TCF7: variants seen among roughly 807,000 people sequenced by gnomAD.
The protein encoded by TCF7 is transcription factor 7, also known as T-cell-factor-7.
TCF7 carries 19 observed loss-of-function variants against 46.8 expected under a neutral mutation model. The observed-to-expected ratio is 0.41, with a 90% CI of 0.28 to 0.60. TCF7 has a LOEUF of 0.60. Among genes scored for constraint, TCF7 ranks in the 20% least tolerant of loss-of-function variants. TCF7 has a pLI of 0.35. For synonymous variants in TCF7, 245 were observed against 213.4 expected, an observed-to-expected ratio of 1.15 and a Z score of -1.29; for missense variants, 547 against 504.6, an observed-to-expected ratio of 1.08 and a Z score of -0.81.
At chr5:134,119,093 G>T (rs974213699) in intron 3 of TCF7, among the ~76,000 whole-genome samples, 4 of 152,312 alleles carry the variant, frequency 2.6e-5, no homozygotes, top group African/African-American at 9.6e-5. Flanking sequence ...ACTTTGGGGG[G>T]ATTCTGGGAT....
chr5:134,117,931 G>T (rs764935933), intron 3 of TCF7, among the ~76,000 whole-genome samples: 1 of 152,232 alleles, frequency 6.6e-6, no homozygotes, highest in Non-Finnish European at 1.5e-5. Flanking sequence ...CAGCTGCTCT[G>T]TGGGGCTGCA....
chr5:134,126,146 C>T (rs1255919858), intron 3 of TCF7, among the ~76,000 whole-genome samples: 1 of 152,246 alleles, frequency 6.6e-6, no homozygotes, highest in Non-Finnish European at 1.5e-5. Flanking sequence ...CTCTGAGATG[C>T]TGAGAGGCAG....
In TCF7 at chr5:134,114,989, A is replaced by G; in HGVS notation, c.83A>G (p.Asp28Gly). 1.6e-6 allele frequency: 2 copies of G among 1,230,094 alleles called. No homozygotes were observed. The highest frequency in any genetic ancestry group is 2.8e-5 in the Admixed American group (1 of 35,290). The allele number at this position is 1,230,094 out of a possible 1,614,324, so 76.2% of individuals were successfully genotyped here. A position where few individuals can be genotyped will look rare whatever the true frequency, so the allele number is the denominator to read the frequency against. Reference sequence around the variant, plus strand: ...CCGGACGAGCTGCTGGCCTTCCAGGATGAAGGCGAGGAGCAGGACGACAAG... The same window carrying G: ...CCGGACGAGCTGCTGGCCTTCCAGGGTGAAGGCGAGGAGCAGGACGACAAG... ...GAPDELLAFQ[D>G]EGEEQDDKSR... is the part of the protein sequence containing the mutation. The change falls in exon 1 of 10, where the codon GAT becomes GGT. Residue 28 changes from aspartate to glycine, a missense_variant. Asp to Gly is a moderately conservative substitution (Grantham distance 94). Coordinates refer to ENST00000342854, the MANE Select transcript of TCF7 (RefSeq NM_003202.5).
intron 7 of TCF7, 45 bp from the exon 8 acceptor site, chr5:134,142,948 G>A (rs1760071761): frequency 1.2e-6 from 2 of 1,612,258 alleles, no homozygotes; most frequent in African/African-American, 1.3e-5. Flanking sequence ...GGTGCAGCCT[G>A]CTGACTCCCT....
At chr5:134,119,068 C>T (rs1439949357) in intron 3 of TCF7, among the ~76,000 whole-genome samples, 1 of 152,158 alleles carries the variant, frequency 6.6e-6, no homozygotes, top group Non-Finnish European at 1.5e-5. Flanking sequence ...AGATAGTGAG[C>T]TGATCTTAGG....
At chr5:134,145,018 T>A in intron 9 of TCF7, 1 of 703,078 alleles carries the variant, frequency 1.4e-6, no homozygotes, top group Non-Finnish European at 2.6e-6. Context: ...CTGAGAATAG[T>A]AGTAAATACT....
At chr5:134,144,853 T>C in intron 9 of TCF7, 1 of 1,614,132 alleles carries the variant, frequency 6.2e-7, no homozygotes, top group Non-Finnish European at 8.5e-7. Flanking sequence ...GCAGACGGAT[T>C]GGTGTGGTCC....
At chr5:134,140,809 C>G (rs1388746237) in intron 5 of TCF7, 1 of 455,670 alleles carries the variant, frequency 2.2e-6, no homozygotes, top group Non-Finnish European at 4.4e-6. Flanking sequence ...CAGCCCTCCT[C>G]TCTACCCCCT....
Position 134,142,617 on chromosome 5 carries a change from G to T in TCF7, c.756-104G>T. The T allele has an allele frequency of 2.1e-6, 3 of 1,431,250 alleles. No individual in the cohort carries two copies. In the South Asian group the frequency reaches 4.2e-5, roughly 20 times the overall value. 88.7% of individuals were successfully genotyped at this position (1,431,250 alleles called of 1,614,324 possible). On this transcript the variant is annotated intron_variant, in intron 6 of 9. Transcript: ENST00000342854. Reference sequence around the variant, plus strand: ...GGAAAGATTCCACTTAGAAAACTCTGGTATCATACACTTAGGCACACTCTA... The same window carrying T: ...GGAAAGATTCCACTTAGAAAACTCTTGTATCATACACTTAGGCACACTCTA...
At chr5:134,129,155 G>A (rs1757757611) in intron 3 of TCF7, among the ~76,000 whole-genome samples, 1 of 152,212 alleles carries the variant, frequency 6.6e-6, no homozygotes, top group African/African-American at 2.4e-5. Flanking sequence ...CCTCGTCTGC[G>A]AAGTCTGTAT....
chr5:134,125,563 C>T (rs1011224900), intron 3 of TCF7, among the ~76,000 whole-genome samples: 3 of 152,266 alleles, frequency 2.0e-5, no homozygotes, highest in African/African-American at 7.2e-5. Context: ...CTGGGAGAGC[C>T]AGGAGGAGGC....
At chr5:134,122,752 C>G (rs1321488257) in intron 3 of TCF7, among the ~76,000 whole-genome samples, 1 of 152,218 alleles carries the variant, frequency 6.6e-6, no homozygotes, top group Non-Finnish European at 1.5e-5. Context: ...CTGGTGCTTC[C>G]TGCTGCTGTG....
intron 3 of TCF7, among the ~76,000 whole-genome samples, chr5:134,119,841 C>A (rs913826210): frequency 1.3e-5 from 2 of 152,256 alleles, no homozygotes; most frequent in Non-Finnish European, 2.9e-5. Context: ...CGCCCCAGAG[C>A]GAGCTGTGGG....
chr5:134,146,320 A>G lies in TCF7; in HGVS notation c.*17A>G, dbSNP rs758660877. 1.9e-5 allele frequency: 31 copies of G among 1,613,716 alleles called. No homozygotes were observed. The highest frequency in any genetic ancestry group is 5.0e-5 in the Admixed American group (3 of 59,992). On this transcript the variant is annotated 3_prime_UTR_variant, in exon 10 of 10. Coordinates refer to ENST00000342854, the MANE Select transcript of TCF7 (RefSeq NM_003202.5). ...GTGCTCTAGGCTGCCCCGGGTCCCC[A>G]GCTCCCCAGGACTCACCCTCATACC... is the stretch of plus-strand genomic sequence containing the variant.
At chr5:134,109,718 C>T (rs1038954638), upstream of TCF7, among the ~76,000 whole-genome samples, 10 of 150,316 alleles carry the variant, frequency 6.7e-5, no homozygotes, top group South Asian at 2.1e-4. Context: ...TGCAGTGAGC[C>T]GAGATCGTGC....
At chr5:134,141,076 G>A in intron 5 of TCF7, 1 of 310,526 alleles carries the variant, frequency 3.2e-6, no homozygotes, top group Non-Finnish European at 6.3e-6. Flanking sequence ...AGAGGCCTCA[G>A]CCTGGGCCAC....
intron 3 of TCF7, among the ~76,000 whole-genome samples, chr5:134,118,828 C>G (rs1756190422): frequency 6.6e-6 from 1 of 152,110 alleles, no homozygotes; most frequent in African/African-American, 2.4e-5. Context: ...GTTGCCCAGG[C>G]TGGAGTGCAG....
At chr5:134,143,800 A>T (rs1047720158) in intron 9 of TCF7, 160 bp downstream of exon 9, 18 of 759,326 alleles carry the variant, frequency 2.4e-5, no homozygotes, top group Non-Finnish European at 3.8e-5. Context: ...TCAAATTCCC[A>T]TGCAAGAAAC....
chr5:134,138,564 T>A, intron 4 of TCF7: 1 of 280,770 alleles, frequency 3.6e-6, no homozygotes, highest in Non-Finnish European at 6.7e-6. Context: ...GGAAACCTGC[T>A]GACTCAACCC....
Sources: gnomAD v4.1 joint callset for allele counts (sites outside exome capture counted in the v4.1 genomes callset) on GRCh38, gnomAD v4.1.1 for gene constraint, MANE v1.5 for transcripts, NCBI Gene and HGNC (gene_info 2026-07-23, HGNC 2026-07-21) for gene names.